The following SLC3A1 variants were observed in gnomAD, a reference collection of about 807,000 sequenced individuals.
SLC3A1 encodes the protein solute carrier family 3 member 1.
A neutral mutation model predicts 60.3 loss-of-function variants in SLC3A1; 78 were observed. The observed-to-expected ratio is 1.29, with a 90% CI of 1.08 to 1.56. The LOEUF is 1.56. Among genes scored for constraint, SLC3A1 ranks in the 40% most tolerant of loss-of-function variants. The pLI is 0.00. For synonymous variants in SLC3A1, 392 were observed against 307.9 expected (o/e 1.27, Z -2.86); for missense variants, 1,172 against 858.9 (o/e 1.36, Z -4.56).
chr2:44,315,210 TG>T (rs1227480144), intron 9 of SLC3A1: 1 of 152,182 alleles, frequency 6.6e-6, no homozygotes, highest in African/African-American at 2.4e-5. Context: ...CCCAAAGTGT[TG>T]GGATTACAGG....
At chr2:44,285,318 T>C (rs1186671271) in intron 3 of SLC3A1, 2 of 166,058 alleles carry the variant, frequency 1.2e-5, no homozygotes, top group Non-Finnish European at 2.6e-5. Context: ...TGTTAAATGT[T>C]TTCCAGATGT....
chr2:44,316,997 A>T (rs1672486182), intron 9 of SLC3A1, among the ~76,000 whole-genome samples: 1 of 149,936 alleles, frequency 6.7e-6, no homozygotes, highest in Admixed American at 6.6e-5. Flanking sequence ...AATCTTAGTG[A>T]TTTGATTCTA....
chr2:44,279,497 G>T (rs1195322923), intron 1 of SLC3A1, among the ~76,000 whole-genome samples: 1 of 152,078 alleles, frequency 6.6e-6, no homozygotes, highest in Non-Finnish European at 1.5e-5. Flanking sequence ...ACTTTCTGCA[G>T]CTCTTCCTTA....
chr2:44,310,448 G>T (rs1214776134), intron 7 of SLC3A1, among the ~76,000 whole-genome samples: 1 of 152,104 alleles, frequency 6.6e-6, no homozygotes, highest in East Asian at 1.9e-4. Flanking sequence ...TCATCACTTT[G>T]AATATGTCAT....
intron 4 of SLC3A1, among the ~76,000 whole-genome samples, chr2:44,298,445 C>A (rs989898023): frequency 3.9e-5 from 6 of 152,134 alleles, no homozygotes; most frequent in Non-Finnish European, 8.8e-5. Context: ...GTGGCATGAT[C>A]TTGGCTCACT....
At chr2:44,304,678 A>G (rs995245910) in intron 7 of SLC3A1, among the ~76,000 whole-genome samples, 5 of 152,168 alleles carry the variant, frequency 3.3e-5, no homozygotes, top group Admixed American at 2.6e-4. Flanking sequence ...GAAGAGGTAC[A>G]CAGCAATTCA....
rs762661942 is a variant in SLC3A1 at position 44,304,280 on chromosome 2, A to G, written c.1274A>G (p.Tyr425Cys). Residue 425 changes from tyrosine (Y) to cysteine (C), a missense_variant, in exon 7 of 10, where the codon TAT becomes TGT. By Grantham distance (194) the Tyr-to-Cys change is radical. Transcript: ENST00000260649. ...GACACTGTTTCTGGGAACAGCGTGT[A>G]TGAGGTTATCACATCCTGGATGGAA... is the stretch of plus-strand genomic sequence containing the variant. ...MLDTVSGNSV[Y>C]EVITSWMENM... is the part of the protein sequence containing the mutation. The G allele has an allele frequency of 5.0e-6, 8 of 1,614,232 alleles. No homozygotes were observed. The highest frequency in any genetic ancestry group is 2.2e-5 in the East Asian group (1 of 44,886).
intron 4 of SLC3A1, among the ~76,000 whole-genome samples, chr2:44,292,648 A>G (rs1460943323): frequency 1.3e-5 from 2 of 152,110 alleles, no homozygotes; most frequent in Non-Finnish European, 1.5e-5. Flanking sequence ...GAGGTGAGAT[A>G]CCTGAGGAAC....
intron 9 of SLC3A1, chr2:44,314,158 G>GA: frequency 8.1e-7 from 1 of 1,241,574 alleles, no homozygotes; most frequent in South Asian, 1.4e-5. Flanking sequence ...CAAGTGAAGT[G>GA]AAGTATCATA....
chr2:44,278,245 C>T (rs1334294253), intron 1 of SLC3A1, among the ~76,000 whole-genome samples: 1 of 151,798 alleles, frequency 6.6e-6, no homozygotes, highest in Non-Finnish European at 1.5e-5. Context: ...GAGATTGAGA[C>T]CATCCTGGCT....
In SLC3A1 at chr2:44,320,226, T is replaced by A. The variant is rs1672809146; in HGVS notation, c.1645T>A (p.Leu549Met). Residue 549 changes from leucine (L) to methionine (M), a missense_variant, in exon 10 of 10, where the codon TTG (leucine) becomes ATG (methionine). By Grantham distance (15) the Leu-to-Met change is conservative. Coordinates refer to ENST00000260649, the MANE Select transcript of SLC3A1 (RefSeq NM_000341.4). ...DVQKTQPRSA[L>M]KLYQDLSLLH... ...CCAAAAGACTCAGCCCAGATCGGCT[T>A]TGAAGTTATATCAAGATTTAAGTCT... 6.2e-7 allele frequency: 1 copy of A among 1,613,850 alleles called. No homozygotes were observed. Among genetic ancestry groups the A allele is most frequent in the Admixed American group, 1.7e-5 (1 of 59,976 alleles).
chr2:44,322,418 A>C (rs1488336338), downstream of SLC3A1, among the ~76,000 whole-genome samples: 1 of 152,216 alleles, frequency 6.6e-6, no homozygotes, highest in Non-Finnish European at 1.5e-5. Flanking sequence ...ATAACGGCTC[A>C]ATAAATATTG....
chr2:44,292,575 G>A (rs1387727661), intron 4 of SLC3A1, among the ~76,000 whole-genome samples: 4 of 152,110 alleles, frequency 2.6e-5, no homozygotes, highest in African/African-American at 9.7e-5. Flanking sequence ...TGTGCCAAGC[G>A]GTCATGACAG....
chr2:44,278,300 C>G (rs201322074), intron 1 of SLC3A1, among the ~76,000 whole-genome samples: 1 of 151,600 alleles, frequency 6.6e-6, no homozygotes, highest in African/African-American at 2.4e-5. Flanking sequence ...CAAAAAAAAT[C>G]AGCTGGGCGT....
intron 5 of SLC3A1, 102 bp downstream of exon 5, chr2:44,300,192 T>C: frequency 1.6e-6 from 2 of 1,230,038 alleles, no homozygotes; most frequent in Non-Finnish European, 2.4e-6. Context: ...ATGAGTTTTG[T>C]CCTGTGTCTA....
intron 8 of SLC3A1, among the ~76,000 whole-genome samples, 195 bp from the exon 9 acceptor site, chr2:44,313,640 T>C (rs1234068581): frequency 6.6e-6 from 1 of 152,238 alleles, no homozygotes; most frequent in East Asian, 1.9e-4. Flanking sequence ...CAAAATGTTA[T>C]TAGGTACTTT....
intron 6 of SLC3A1, chr2:44,301,547 T>C: frequency 3.2e-6 from 1 of 310,124 alleles, no homozygotes; most frequent in South Asian, 3.1e-5. Context: ...GAGACCAGCC[T>C]GGCCAACATG....
chr2:44,307,449 T>C (rs1468988906), intron 7 of SLC3A1, among the ~76,000 whole-genome samples: 6 of 152,188 alleles, frequency 3.9e-5, no homozygotes, highest in African/African-American at 1.4e-4. Flanking sequence ...CCATTTTACA[T>C]TCCCACCAGC....
At position 44,280,826 on chromosome 2, in the gene SLC3A1, C is replaced by T. The variant is rs142482973; in HGVS notation, c.541C>T (p.Arg181Trp). Residue 181 changes from arginine (R) to tryptophan (W), a missense_variant, in exon 2 of 10, where the codon CGG becomes TGG. Transcript: ENST00000260649. ...KDFRYGVEDF[R>W]EVDPIFGTME... ...TTTCAGATATGGTGTTGAAGATTTCCGGGAAGTTGATCCCATTTTTGGAAC... is the reference window on the plus strand; with the variant it reads ...TTTCAGATATGGTGTTGAAGATTTCTGGGAAGTTGATCCCATTTTTGGAAC... The T allele has an allele frequency of 1.9e-5, 31 of 1,613,866 alleles. No individual in the cohort carries two copies. Among genetic ancestry groups the T allele is most frequent in the Middle Eastern group, 1.7e-4 (1 of 6,058 alleles).
Sources: gnomAD v4.1 joint callset for allele counts (sites outside exome capture counted in the v4.1 genomes callset) on GRCh38, gnomAD v4.1.1 for gene constraint, MANE v1.5 for transcripts, NCBI Gene and HGNC (gene_info 2026-07-23, HGNC 2026-07-21) for gene names.